Variants in CNTN5 observed in about 807,000 individuals in gnomAD.
The protein encoded by CNTN5 is contactin-5.
Under a neutral mutation model 129.1 loss-of-function variants are expected in CNTN5, and 77 were observed. The ratio of observed to expected loss-of-function variants is 0.60; its 90% CI spans 0.50 to 0.72. The LOEUF is 0.72. Ranked by LOEUF, CNTN5 falls within the 30% of genes least tolerant of loss-of-function variation. The pLI, the probability that CNTN5 is intolerant of heterozygous loss-of-function variation, is 0.00. For synonymous variants in CNTN5, 509 were observed against 465.6 expected, an observed-to-expected ratio of 1.09 and a Z score of -1.20; for missense variants, 1,478 against 1,328.8, an observed-to-expected ratio of 1.11 and a Z score of -1.75.
chr11:99,130,937 A>G (rs1449983510), intron 1 of CNTN5, among the ~76,000 whole-genome samples: 1 of 152,102 alleles, frequency 6.6e-6, no homozygotes, highest in Non-Finnish European at 1.5e-5. Flanking sequence ...CATGGACCAG[A>G]ATCTCTGGGA....
At chr11:99,167,821 A>T (rs1251198253) in intron 1 of CNTN5, among the ~76,000 whole-genome samples, 1 of 152,178 alleles carries the variant, frequency 6.6e-6, no homozygotes, top group African/African-American at 2.4e-5. Flanking sequence ...ATCTATTTTG[A>T]TATAACTATA....
At chr11:99,136,498 C>T (rs79036743) in intron 1 of CNTN5, among the ~76,000 whole-genome samples, 2,318 of 152,230 alleles carry the variant, frequency 0.015, 67 homozygotes, top group African/African-American at 0.052. Flanking sequence ...TTTAATATGT[C>T]TTTGCTTCTT....
At chr11:99,093,839 A>G (rs1866356629) in intron 1 of CNTN5, among the ~76,000 whole-genome samples, 1 of 152,056 alleles carries the variant, frequency 6.6e-6, no homozygotes, top group Admixed American at 6.6e-5. Flanking sequence ...GAGGAACCCC[A>G]GGCTCAGAGA....
chr11:99,727,339 A>G (rs1196889963), intron 3 of CNTN5, among the ~76,000 whole-genome samples: 1 of 145,284 alleles, frequency 6.9e-6, no homozygotes, highest in Non-Finnish European at 1.5e-5. Context: ...AAAAAATTCC[A>G]GGGCATTGTG....
intron 2 of CNTN5, among the ~76,000 whole-genome samples, chr11:99,486,222 A>G (rs117737372): frequency 1.4e-3 from 208 of 152,190 alleles, no homozygotes; most frequent in Admixed American, 2.0e-3. Context: ...GATGTCTTTC[A>G]TAGAGCATAT....
chr11:99,830,228 A>G (rs1947095713), intron 4 of CNTN5, among the ~76,000 whole-genome samples: 1 of 152,098 alleles, frequency 6.6e-6, no homozygotes, highest in Non-Finnish European at 1.5e-5. Flanking sequence ...TTTTTCTACT[A>G]AGGCTAAGCA....
intron 9 of CNTN5, among the ~76,000 whole-genome samples, chr11:100,057,820 T>C (rs934688032): frequency 6.6e-6 from 1 of 152,022 alleles, no homozygotes; most frequent in Non-Finnish European, 1.5e-5. Flanking sequence ...ATATAAATTA[T>C]AAAGAATATG....
chr11:99,876,942 C>A (rs913757443), intron 6 of CNTN5, among the ~76,000 whole-genome samples: 3 of 151,922 alleles, frequency 2.0e-5, no homozygotes, highest in Non-Finnish European at 4.4e-5. Context: ...GCCTCAGTTT[C>A]TTTTATTCTT....
chr11:99,463,686 T>C (rs934311969), intron 2 of CNTN5, among the ~76,000 whole-genome samples: 4 of 152,096 alleles, frequency 2.6e-5, no homozygotes, highest in African/African-American at 9.7e-5. Flanking sequence ...ATATTATAGA[T>C]TCCTTTGCAT....
At chr11:99,732,849 T>C (rs888375431) in intron 3 of CNTN5, among the ~76,000 whole-genome samples, 2 of 151,976 alleles carry the variant, frequency 1.3e-5, no homozygotes, top group Non-Finnish European at 2.9e-5. Flanking sequence ...AAGATGCTGG[T>C]GGAATAACCC....
intron 1 of CNTN5, among the ~76,000 whole-genome samples, chr11:99,297,028 C>T (rs182094294): frequency 2.6e-5 from 4 of 152,276 alleles, no homozygotes; most frequent in African/African-American, 7.2e-5. Flanking sequence ...TAGCACAGGG[C>T]AGTCTCTATT....
In CNTN5 at chr11:99,807,998, C is replaced by T. The variant is rs145880310; in HGVS notation, c.56-11546C>T. 1.4e-3 allele frequency among the ~76,000 whole-genome samples: 217 copies of T among 152,166 alleles called. 4 individuals are homozygous for T. In the South Asian group the frequency reaches 0.019, roughly 13 times the overall value. ...AAGGGAAAGAATTAGGCGTAGGGAC[C>T]TTCTGTGACCCTGAAGGCAACACCA... On this transcript the variant is annotated intron_variant, in intron 3 of 24. Coordinates refer to ENST00000524871, the MANE Select transcript of CNTN5 (RefSeq NM_014361.4).
intron 7 of CNTN5, among the ~76,000 whole-genome samples, chr11:99,950,531 C>A (rs541597381): frequency 6.6e-6 from 1 of 152,300 alleles, no homozygotes; most frequent in South Asian, 2.1e-4. Context: ...TGGTACTAAC[C>A]AAGAGTCAGA....
intron 3 of CNTN5, among the ~76,000 whole-genome samples, chr11:99,657,570 A>G (rs930253633): frequency 2.0e-5 from 3 of 152,160 alleles, no homozygotes; most frequent in Non-Finnish European, 2.9e-5. Flanking sequence ...AAAATATTTT[A>G]AACATTTTTG....
chr11:100,095,673 G>A (rs1400711939), intron 13 of CNTN5, among the ~76,000 whole-genome samples: 1 of 152,058 alleles, frequency 6.6e-6, no homozygotes, highest in Admixed American at 6.6e-5. Context: ...TGTACTTTTA[G>A]CACACATTTC....
intron 15 of CNTN5, among the ~76,000 whole-genome samples, chr11:100,195,289 T>A (rs1948609034): frequency 6.6e-6 from 1 of 152,022 alleles, no homozygotes. Context: ...CCTCTTCTTA[T>A]AAGTAATCCC....
At chr11:100,280,799 T>C (rs1364622969) in intron 18 of CNTN5, among the ~76,000 whole-genome samples, 1 of 152,114 alleles carries the variant, frequency 6.6e-6, no homozygotes, top group Non-Finnish European at 1.5e-5. Flanking sequence ...GAAGGTGTTT[T>C]TCTCTAGTGA....
intron 18 of CNTN5, among the ~76,000 whole-genome samples, chr11:100,290,911 G>GA (rs1163514413): frequency 6.6e-6 from 1 of 151,318 alleles, no homozygotes; most frequent in Non-Finnish European, 1.5e-5. Context: ...AAATTTACAA[G>GA]AAAAAAACAA....
intron 3 of CNTN5, among the ~76,000 whole-genome samples, chr11:99,573,483 T>C (rs141177550): frequency 0.042 from 6,343 of 151,778 alleles, 169 homozygotes; most frequent in South Asian, 0.086. Flanking sequence ...GGCAGGAGAA[T>C]GGCGTGAACC....
Sources: gnomAD v4.1 joint callset for allele counts (sites outside exome capture counted in the v4.1 genomes callset) on GRCh38, gnomAD v4.1.1 for gene constraint, MANE v1.5 for transcripts, NCBI Gene and HGNC (gene_info 2026-07-23, HGNC 2026-07-21) for gene names.